P4HA1: variants seen among roughly 807,000 people sequenced by gnomAD.
P4HA1 encodes the protein prolyl 4-hydroxylase subunit alpha-1.
P4HA1 carries 24 observed loss-of-function variants against 72.8 expected under a neutral mutation model. The observed-to-expected ratio is 0.33, with a 90% CI of 0.24 to 0.46. The LOEUF (loss-of-function observed/expected upper bound fraction) is 0.46, where lower values mean the gene tolerates loss of function less well. P4HA1 is among the 20% of genes least tolerant of loss of function. The pLI is 1.00. For synonymous variants in P4HA1, 201 were observed against 218.8 expected, an observed-to-expected ratio of 0.92 and a Z score of 0.72; for missense variants, 446 against 640.6, an observed-to-expected ratio of 0.70 and a Z score of 3.28.
chr10:73,067,887 G>A (rs1287383731), intron 5 of P4HA1, among the ~76,000 whole-genome samples: 1 of 152,008 alleles, frequency 6.6e-6, no homozygotes, highest in Non-Finnish European at 1.5e-5. Flanking sequence ...TAATGGCGAG[G>A]GTAGTGTATG....
chr10:73,011,555 TAAATA>T (rs990357976), intron 12 of P4HA1, among the ~76,000 whole-genome samples: 13 of 152,096 alleles, frequency 8.5e-5, no homozygotes, highest in Non-Finnish European at 1.6e-4. Context: ...TCAAACATAT[TAAATA>T]AAAGTGAGAA....
At chr10:73,031,407 C>T (rs1423648703) in intron 9 of P4HA1, among the ~76,000 whole-genome samples, 1 of 152,192 alleles carries the variant, frequency 6.6e-6, no homozygotes, top group Non-Finnish European at 1.5e-5. Flanking sequence ...GCCGCTTGAG[C>T]ATGGGAGTTT....
rs139340074 is a variant in P4HA1 at position 73,082,240 on chromosome 10, GGT to G, written c.-32-7327_-32-7326del. ...CTTACAGTATTTTCAACTTACAGTTGGTTTATCAGGACACAGCCCCATAAGTC... is the reference window on the plus strand; with the variant it reads ...CTTACAGTATTTTCAACTTACAGTTGTTATCAGGACACAGCCCCATAAGTC... On this transcript the variant is annotated intron_variant, in intron 1 of 14. Coordinates refer to ENST00000394890, the MANE Select transcript of P4HA1 (RefSeq NM_001017962.3). 6.5e-3 allele frequency among the ~76,000 whole-genome samples: 983 copies of G among 152,206 alleles called. 8 individuals carry two copies. The highest frequency in any genetic ancestry group is 0.022 in the African/African-American group (911 of 41,548).
At chr10:73,071,374 T>C (rs1311322286) in intron 4 of P4HA1, 2 of 151,992 alleles carry the variant, frequency 1.3e-5, no homozygotes, top group Admixed American at 1.3e-4. Context: ...ACCCTTGGAG[T>C]ATTTTATCTA....
chr10:73,055,283 C>A (rs1426365244), intron 5 of P4HA1, among the ~76,000 whole-genome samples: 3 of 152,224 alleles, frequency 2.0e-5, no homozygotes, highest in East Asian at 3.8e-4. Context: ...CAGCTCACTG[C>A]AATCTCCATC....
intron 12 of P4HA1, among the ~76,000 whole-genome samples, chr10:73,012,058 A>G (rs775154152): frequency 6.6e-6 from 1 of 152,198 alleles, no homozygotes; most frequent in African/African-American, 2.4e-5. Flanking sequence ...TGGTATTTAA[A>G]TAACGGAAAA....
At chr10:73,070,928 C>T (rs1841544350) in intron 4 of P4HA1, among the ~76,000 whole-genome samples, 1 of 152,098 alleles carries the variant, frequency 6.6e-6, no homozygotes, top group African/African-American at 2.4e-5. Flanking sequence ...CGCGTGTAAT[C>T]CCTAGCGCTG....
chr10:73,067,453 A>G (rs554651325), intron 5 of P4HA1, among the ~76,000 whole-genome samples: 1 of 152,212 alleles, frequency 6.6e-6, no homozygotes, highest in East Asian at 1.9e-4. Context: ...TCTCTTCCAC[A>G]TGGCTTACAA....
rs182519907 is a variant in P4HA1 at position 73,074,447 on chromosome 10, G to A, written c.76+361C>T. ...AGCCTGGTCAACATGGTGAGACCCTGTCTCTATTCAAAATAATAATGATAA... is the reference window on the plus strand; with the variant it reads ...AGCCTGGTCAACATGGTGAGACCCTATCTCTATTCAAAATAATAATGATAA... On this transcript the variant is annotated intron_variant, in intron 2 of 14. Coordinates refer to ENST00000394890, the MANE Select transcript of P4HA1 (RefSeq NM_001017962.3). 1.8e-3 allele frequency among the ~76,000 whole-genome samples: 281 copies of A among 151,918 alleles called. 1 individual carries two copies. Among genetic ancestry groups the A allele is most frequent in the African/African-American group, 6.2e-3 (258 of 41,418 alleles).
At chr10:73,020,489 G>A (rs1200001414) in intron 10 of P4HA1, among the ~76,000 whole-genome samples, 2 of 152,056 alleles carry the variant, frequency 1.3e-5, no homozygotes, top group Non-Finnish European at 2.9e-5. Flanking sequence ...AATTTTACCA[G>A]ACATACAAAG....
intron 1 of P4HA1, among the ~76,000 whole-genome samples, chr10:73,085,336 G>A (rs763736685): frequency 5.3e-5 from 8 of 151,950 alleles, no homozygotes; most frequent in South Asian, 2.1e-4. Flanking sequence ...TCACATTTCC[G>A]ATAGCATCAG....
rs114818407 is a variant in P4HA1, at chr10:73,044,138, A to G, written c.1148+843T>C. Among the ~76,000 whole-genome samples, 427 of 152,312 alleles carry G rather than the reference A, an allele frequency of 2.8e-3. 1 individual carries two copies. Among genetic ancestry groups the G allele is most frequent in the African/African-American group, 9.9e-3 (410 of 41,562 alleles). On this transcript the variant is annotated intron_variant, in intron 9 of 14. Transcript: ENST00000394890. Reference sequence around the variant, plus strand: ...GTGGCAGTAAGAACAGCCACTTCCAAATCAAGAGAAAATGAGTTGACAGAT... The same window carrying G: ...GTGGCAGTAAGAACAGCCACTTCCAGATCAAGAGAAAATGAGTTGACAGAT...
At chr10:73,074,616 C>T (rs1006106554) in intron 2 of P4HA1, among the ~76,000 whole-genome samples, 192 bp downstream of exon 2, 2 of 152,036 alleles carry the variant, frequency 1.3e-5, no homozygotes, top group African/African-American at 4.8e-5. Flanking sequence ...ATTATTTTAA[C>T]TTCAATATGT....
intron 10 of P4HA1, among the ~76,000 whole-genome samples, chr10:73,025,664 A>G: frequency 6.6e-6 from 1 of 151,928 alleles, no homozygotes; most frequent in African/African-American, 2.4e-5. Context: ...GAAAACAGGA[A>G]GTCAAATTGT....
At chr10:73,047,342 A>G (rs1352426086) in intron 7 of P4HA1, among the ~76,000 whole-genome samples, 1 of 152,116 alleles carries the variant, frequency 6.6e-6, no homozygotes, top group Non-Finnish European at 1.5e-5. Context: ...GGAGAAAGGT[A>G]GTGTATCTCT....
Position 73,069,114 on chromosome 10 carries a change from A to G in P4HA1, c.326-131T>C, listed in dbSNP as rs189567520. On this transcript the variant is annotated intron_variant, in intron 4 of 14. Coordinates refer to ENST00000394890, the MANE Select transcript of P4HA1 (RefSeq NM_001017962.3). Reference sequence around the variant, plus strand: ...CACCATGAAAAGTTCTACATACTCAACAAGAAAAAATTAAATACACTGAAT... The same window carrying G: ...CACCATGAAAAGTTCTACATACTCAGCAAGAAAAAATTAAATACACTGAAT... The G allele has an allele frequency of 2.0e-3, 1,271 of 646,664 alleles. 9 individuals are homozygous for G. The highest frequency in any genetic ancestry group is 5.4e-3 in the South Asian group (258 of 47,568). 40.1% of individuals were successfully genotyped at this position (646,664 alleles called of 1,614,324 possible).
intron 1 of P4HA1, among the ~76,000 whole-genome samples, chr10:73,076,587 CGTCTT>C (rs2052137932): frequency 6.6e-6 from 1 of 151,908 alleles, no homozygotes; most frequent in Non-Finnish European, 1.5e-5. Context: ...ATGATAGCAC[CGTCTT>C]TTCTAGTGAG....
chr10:73,024,269 G>A (rs1379466082), intron 10 of P4HA1, among the ~76,000 whole-genome samples: 1 of 152,090 alleles, frequency 6.6e-6, no homozygotes, highest in African/African-American at 2.4e-5. Flanking sequence ...AAATGTAAAA[G>A]AACAGAAATC....
At chr10:73,096,047 T>G (rs1208798398) in intron 1 of P4HA1, among the ~76,000 whole-genome samples, 2 of 152,178 alleles carry the variant, frequency 1.3e-5, no homozygotes, top group African/African-American at 4.8e-5. Context: ...AGAAGAGCTC[T>G]TGTCTCTTTT....
Sources: allele counts gnomAD v4.1 joint callset (sites outside exome capture counted in the v4.1 genomes callset), GRCh38; gene constraint gnomAD v4.1.1; transcripts MANE v1.5; gene names NCBI Gene and HGNC (gene_info 2026-07-23, HGNC 2026-07-21).